SAMD5: variants seen among roughly 807,000 people sequenced by gnomAD.
The protein encoded by SAMD5 is sterile alpha motif domain containing 5.
Under a neutral mutation model 11.3 loss-of-function variants are expected in SAMD5, and 13 were observed. That is an observed-to-expected ratio of 1.15 (90% CI 0.75 to 1.83). The LOEUF is 1.83. SAMD5 is among the 40% of genes most tolerant of loss of function. The pLI, the probability that SAMD5 is intolerant of heterozygous loss-of-function variation, is 0.00. For synonymous variants in SAMD5, 129 were observed against 111.3 expected, an observed-to-expected ratio of 1.16 and a Z score of -1.00; for missense variants, 255 against 239.1, an observed-to-expected ratio of 1.07 and a Z score of -0.44.
chr6:147,522,656 T>C (rs1435306168), intron 1 of SAMD5, among the ~76,000 whole-genome samples: 1 of 152,244 alleles, frequency 6.6e-6, no homozygotes, highest in African/African-American at 2.4e-5. Flanking sequence ...CTATATATCT[T>C]TTCTTTCATG....
At chr6:147,703,359 A>G (rs774808243) in intron 1 of SAMD5, among the ~76,000 whole-genome samples, 5 of 152,210 alleles carry the variant, frequency 3.3e-5, no homozygotes, top group Non-Finnish European at 7.3e-5. Context: ...GGCGTGAGCC[A>G]CCATGCCCGG....
chr6:147,895,680 A>T, the SAMD5 span, among the ~76,000 whole-genome samples: 1 of 152,122 alleles, frequency 6.6e-6, no homozygotes, highest in Non-Finnish European at 1.5e-5. Context: ...ATACCTCCAA[A>T]TCCTAATAAA....
chr6:147,906,729 G>A, the SAMD5 span, among the ~76,000 whole-genome samples: 74 of 152,270 alleles, frequency 4.9e-4, no homozygotes, highest in African/African-American at 1.6e-3. Flanking sequence ...CTTAAGAATA[G>A]ATCAAACAAC....
intron 1 of SAMD5, among the ~76,000 whole-genome samples, chr6:147,640,190 G>C (rs953266223): frequency 5.9e-5 from 9 of 151,924 alleles, no homozygotes; most frequent in Admixed American, 1.3e-4. Context: ...GCTGGGTGTG[G>C]TGGCACGTGC....
chr6:147,819,119 C>T, the SAMD5 span, among the ~76,000 whole-genome samples: 1 of 152,130 alleles, frequency 6.6e-6, no homozygotes. Context: ...AAATGTGGAA[C>T]ATATACACCA....
Position 147,567,961 on chromosome 6 carries a change from G to T in SAMD5, c.*3505G>T. ...AAAACAAAACAGCAAATTCATAAAG[G>T]CCAGCAGTTTTCAAGTCTGGGGAAA... On this transcript the variant is annotated 3_prime_UTR_variant, in exon 2 of 2. Coordinates refer to ENST00000367474, the MANE Select transcript of SAMD5 (RefSeq NM_001030060.3). 1 of 985,798 alleles carries T rather than the reference G, an allele frequency of 1.0e-6. No homozygotes were observed. The allele number at this position is 985,798 out of a possible 1,614,324, so 61.1% of individuals were successfully genotyped here.
intron 1 of SAMD5, among the ~76,000 whole-genome samples, chr6:147,612,987 T>C (rs1179696557): frequency 6.6e-6 from 1 of 151,988 alleles, no homozygotes; most frequent in Non-Finnish European, 1.5e-5. Flanking sequence ...TCAGTTGAGG[T>C]CAGGAATTCG....
intron 1 of SAMD5, among the ~76,000 whole-genome samples, chr6:147,550,172 G>C (rs1788747385): frequency 6.6e-6 from 1 of 152,166 alleles, no homozygotes; most frequent in Admixed American, 6.5e-5. Context: ...GAGCCCAGGA[G>C]TTTGAGGTTA....
the SAMD5 span, among the ~76,000 whole-genome samples, chr6:147,760,902 A>G: frequency 6.6e-6 from 1 of 152,212 alleles, no homozygotes; most frequent in East Asian, 1.9e-4. Context: ...TTCTGTTTTC[A>G]GGAATGAGGA....
At chr6:147,625,196 C>G (rs1790032849) in intron 1 of SAMD5, among the ~76,000 whole-genome samples, 1 of 152,124 alleles carries the variant, frequency 6.6e-6, no homozygotes, top group Non-Finnish European at 1.5e-5. Context: ...CCAGGGTCTC[C>G]CAGGGATAAT....
chr6:147,559,512 G>A (rs1454248048), intron 1 of SAMD5, among the ~76,000 whole-genome samples: 1 of 152,186 alleles, frequency 6.6e-6, no homozygotes, highest in Admixed American at 6.5e-5. Flanking sequence ...CCGTGTAGAA[G>A]CTGCAGAAAA....
At chr6:147,941,623 C>T in the SAMD5 span, among the ~76,000 whole-genome samples, 15 of 152,124 alleles carry the variant, frequency 9.9e-5, no homozygotes, top group Non-Finnish European at 1.5e-4. Flanking sequence ...GTGAATACCA[C>T]AACATAACAG....
At chr6:147,643,292 G>A (rs572464614) in intron 1 of SAMD5, among the ~76,000 whole-genome samples, 1 of 152,012 alleles carries the variant, frequency 6.6e-6, no homozygotes, top group Non-Finnish European at 1.5e-5. Flanking sequence ...AATTTTTAAA[G>A]GAATTAAATA....
chr6:147,700,335 T>C (rs1050174840), intron 1 of SAMD5, among the ~76,000 whole-genome samples: 1 of 152,210 alleles, frequency 6.6e-6, no homozygotes, highest in Non-Finnish European at 1.5e-5. Flanking sequence ...CTTTGTGTTA[T>C]TAGATCCTGA....
intron 1 of SAMD5, among the ~76,000 whole-genome samples, chr6:147,602,436 A>G (rs367722778): frequency 1.6e-4 from 24 of 152,278 alleles, no homozygotes; most frequent in African/African-American, 5.3e-4. Context: ...GGAAACAAAC[A>G]TTGTCACAAA....
intron 1 of SAMD5, among the ~76,000 whole-genome samples, chr6:147,539,078 C>A (rs762120627): frequency 1.3e-5 from 2 of 152,156 alleles, no homozygotes; most frequent in Non-Finnish European, 2.9e-5. Context: ...GGAAAGCATG[C>A]ATTTCTAGGG....
chr6:147,642,222 CT>C (rs1190670173), intron 1 of SAMD5, among the ~76,000 whole-genome samples: 2 of 152,200 alleles, frequency 1.3e-5, no homozygotes, highest in African/African-American at 4.8e-5. Flanking sequence ...TCCATTTCCT[CT>C]TTCTTACTTT....
intron 1 of SAMD5, among the ~76,000 whole-genome samples, chr6:147,661,019 A>T (rs2128454420): frequency 6.6e-6 from 1 of 152,308 alleles, no homozygotes; most frequent in Non-Finnish European, 1.5e-5. Context: ...GGTTGTGCGT[A>T]GATTTGTCCC....
chr6:147,723,696 G>A (rs77765776), intron 1 of SAMD5, among the ~76,000 whole-genome samples: 1 of 152,058 alleles, frequency 6.6e-6, no homozygotes, highest in Non-Finnish European at 1.5e-5. Flanking sequence ...TAAAACATAA[G>A]CCACTTTCTT....
Sources: gnomAD v4.1 joint callset for allele counts (sites outside exome capture counted in the v4.1 genomes callset) on GRCh38, gnomAD v4.1.1 for gene constraint, MANE v1.5 for transcripts, NCBI Gene and HGNC (gene_info 2026-07-23, HGNC 2026-07-21) for gene names.